Variants in EIF4EBP1 observed in about 807,000 individuals in gnomAD.
EIF4EBP1 encodes eukaryotic translation initiation factor 4E-binding protein 1.
In EIF4EBP1, 5 loss-of-function variants were observed where a neutral mutation model predicts 9.2. The ratio of observed to expected loss-of-function variants is 0.54; its 90% CI spans 0.28 to 1.14. The LOEUF is 1.14. Among genes scored for constraint, EIF4EBP1 ranks in the 50% most tolerant of loss-of-function variants. The probability of loss-of-function intolerance (pLI) is 0.09; values close to 1 mark genes in which losing one functional copy is unlikely to be tolerated. For missense variants in EIF4EBP1, 139 were observed against 169.6 expected (o/e 0.82, Z 1.00); for synonymous variants, 62 against 67.0 (o/e 0.93, Z 0.36).
At chr8:38,050,594 C>A (rs1052507363) in intron 1 of EIF4EBP1, among the ~76,000 whole-genome samples, 1 of 152,106 alleles carries the variant, frequency 6.6e-6, no homozygotes, top group African/African-American at 2.4e-5. Context: ...AAGCAATCCG[C>A]CTGCCTCGGT....
chr8:38,045,053 T>A (rs1179378314), intron 1 of EIF4EBP1, among the ~76,000 whole-genome samples: 1 of 152,224 alleles, frequency 6.6e-6, no homozygotes, highest in Admixed American at 6.5e-5. Flanking sequence ...TTTGGTTGCG[T>A]ATGTTCTCCC....
At chr8:38,033,082 T>C (rs1210960375) in intron 1 of EIF4EBP1, among the ~76,000 whole-genome samples, 1 of 147,542 alleles carries the variant, frequency 6.8e-6, no homozygotes, top group Non-Finnish European at 1.5e-5. Flanking sequence ...TTTTTTTTTT[T>C]GAGACAGGGT....
intron 1 of EIF4EBP1, among the ~76,000 whole-genome samples, chr8:38,044,919 G>T (rs1378478102): frequency 6.6e-6 from 1 of 152,096 alleles, no homozygotes; most frequent in Non-Finnish European, 1.5e-5. Context: ...AGACCGGAGG[G>T]GATGACAGAT....
At chr8:38,053,470 A>G (rs1809553302) in intron 1 of EIF4EBP1, among the ~76,000 whole-genome samples, 1 of 150,994 alleles carries the variant, frequency 6.6e-6, no homozygotes, top group Non-Finnish European at 1.5e-5. Context: ...CTCCTGCCTC[A>G]GTCCAGAGTA....
chr8:38,035,182 C>T (rs989427137), intron 1 of EIF4EBP1, among the ~76,000 whole-genome samples: 2 of 152,094 alleles, frequency 1.3e-5, no homozygotes, highest in Non-Finnish European at 2.9e-5. Context: ...TGGTGTAGAG[C>T]ACTCCAAAAT....
chr8:38,030,676 A>T lies in EIF4EBP1; in HGVS notation c.103A>T (p.Ser35Cys). The change falls in exon 1 of 3, where the codon AGC becomes TGC. Residue 35 changes from serine (S) to cysteine (C), a missense_variant. Transcript: ENST00000338825. ...DGVQLPPGDY[S>C]TTPGGTLFST... is the part of the protein sequence containing the mutation. ...CGTGCAGCTCCCGCCCGGGGACTAC[A>T]GCACGACCCCCGGCGGCACGCTCTT... 6.7e-7 allele frequency: 1 copy of T among 1,490,166 alleles called. No individual in the cohort carries two copies. 92.3% of individuals were successfully genotyped at this position (1,490,166 alleles called of 1,614,324 possible).
At chr8:38,054,980 T>G (rs1054556226) in intron 1 of EIF4EBP1, among the ~76,000 whole-genome samples, 3 of 152,096 alleles carry the variant, frequency 2.0e-5, no homozygotes, top group African/African-American at 7.2e-5. Flanking sequence ...ACACCCCTCC[T>G]CCTAAGAAAC....
chr8:38,045,861 C>G (rs1457458514), intron 1 of EIF4EBP1, among the ~76,000 whole-genome samples: 4 of 152,018 alleles, frequency 2.6e-5, no homozygotes, highest in Non-Finnish European at 4.4e-5. Context: ...GCCTCAGCCT[C>G]CTAAGTAGCT....
chr8:38,034,878 A>T (rs1273720290), intron 1 of EIF4EBP1, among the ~76,000 whole-genome samples: 1 of 152,110 alleles, frequency 6.6e-6, no homozygotes, highest in African/African-American at 2.4e-5. Flanking sequence ...ATTATTAAGG[A>T]TGGGTTAAAA....
chr8:38,052,717 C>CAAA (rs746753182), intron 1 of EIF4EBP1, among the ~76,000 whole-genome samples: 3 of 120,902 alleles, frequency 2.5e-5, no homozygotes, highest in African/African-American at 3.0e-5. Context: ...GACTCCATCT[C>CAAA]AAAAAAAAAA....
intron 1 of EIF4EBP1, among the ~76,000 whole-genome samples, chr8:38,036,122 C>T (rs1486014939): frequency 1.3e-5 from 2 of 152,116 alleles, no homozygotes. Context: ...TCTCCTGCCT[C>T]GGCCTCCCGA....
At chr8:38,055,194 G>T (rs1391096099) in intron 1 of EIF4EBP1, among the ~76,000 whole-genome samples, 1 of 152,102 alleles carries the variant, frequency 6.6e-6, no homozygotes, top group African/African-American at 2.4e-5. Flanking sequence ...GTCATCCTCA[G>T]CACAGAGCCC....
At chr8:38,034,640 A>AC (rs1404919045) in intron 1 of EIF4EBP1, among the ~76,000 whole-genome samples, 4 of 152,148 alleles carry the variant, frequency 2.6e-5, no homozygotes, top group Admixed American at 6.6e-5. Context: ...TGTGCCAAAG[A>AC]CCCGTACCTG....
At chr8:38,031,403 C>T (rs541196260) in intron 1 of EIF4EBP1, among the ~76,000 whole-genome samples, 7 of 152,286 alleles carry the variant, frequency 4.6e-5, no homozygotes, top group African/African-American at 1.7e-4. Context: ...GAAGAGGAAG[C>T]TGAGCTGGCA....
rs1418343566 is a variant in EIF4EBP1, at chr8:38,060,312, C to T, written c.*377C>T. ...GTTGATGTGCTTGGGAAAGCTCCCT[C>T]CCCCTCCTTCCCCAAGAGAGGAAAT... On this transcript the variant is annotated 3_prime_UTR_variant, in exon 3 of 3. Coordinates refer to ENST00000338825, the MANE Select transcript of EIF4EBP1 (RefSeq NM_004095.4). 2 of 314,102 alleles carry T rather than the reference C, an allele frequency of 6.4e-6. No individual in the cohort carries two copies. Among genetic ancestry groups the T allele is most frequent in the Admixed American group, 9.0e-5 (2 of 22,158 alleles). The allele number at this position is 314,102 out of a possible 1,614,324, so 19.5% of individuals were successfully genotyped here. A position where few individuals can be genotyped will look rare whatever the true frequency, so the allele number is the denominator to read the frequency against.
chr8:38,045,870 C>A (rs1177956039), intron 1 of EIF4EBP1, among the ~76,000 whole-genome samples: 1 of 152,010 alleles, frequency 6.6e-6, no homozygotes, highest in Non-Finnish European at 1.5e-5. Flanking sequence ...TCCTAAGTAG[C>A]TGGGACTGCA....
At chr8:38,044,638 C>G (rs1321768642) in intron 1 of EIF4EBP1, among the ~76,000 whole-genome samples, 1 of 152,202 alleles carries the variant, frequency 6.6e-6, no homozygotes, top group Non-Finnish European at 1.5e-5. Context: ...GGGGGTCTCA[C>G]TGTGTTGCCC....
At chr8:38,041,218 C>T (rs959055145) in intron 1 of EIF4EBP1, among the ~76,000 whole-genome samples, 8 of 152,192 alleles carry the variant, frequency 5.3e-5, no homozygotes, top group Non-Finnish European at 1.2e-4. Flanking sequence ...TCTTTTGCCT[C>T]AGCCTCCCAA....
intron 1 of EIF4EBP1, among the ~76,000 whole-genome samples, chr8:38,036,375 T>G (rs1275691264): frequency 6.6e-6 from 1 of 151,922 alleles, no homozygotes; most frequent in Non-Finnish European, 1.5e-5. Context: ...TAGCCGGGCC[T>G]GGTGGCAGGC....
Sources: gnomAD v4.1 joint callset for allele counts (sites outside exome capture counted in the v4.1 genomes callset) on GRCh38, gnomAD v4.1.1 for gene constraint, MANE v1.5 for transcripts, NCBI Gene and HGNC (gene_info 2026-07-23, HGNC 2026-07-21) for gene names.